EXOC4: variants seen among roughly 807,000 people sequenced by gnomAD.
EXOC4 encodes SEC8-like 1.
EXOC4 carries 71 observed loss-of-function variants against 107.2 expected under a neutral mutation model. The observed-to-expected ratio is 0.66, with a 90% CI of 0.55 to 0.81. The LOEUF (loss-of-function observed/expected upper bound fraction) is 0.81, where lower values mean the gene tolerates loss of function less well. Among genes scored for constraint, EXOC4 ranks in the 30% least tolerant of loss-of-function variants. The pLI is 0.00. For missense variants in EXOC4, 1,108 were observed against 1,189.6 expected, an observed-to-expected ratio of 0.93 and a Z score of 1.01; for synonymous variants, 456 against 441.2, an observed-to-expected ratio of 1.03 and a Z score of -0.42.
At chr7:134,056,962 C>CT (rs1412104817) in intron 17 of EXOC4, among the ~76,000 whole-genome samples, 1 of 152,148 alleles carries the variant, frequency 6.6e-6, no homozygotes, top group African/African-American at 2.4e-5. Flanking sequence ...CTGCTGCTGT[C>CT]TATCAAAAAT....
At chr7:133,326,451 A>T (rs932186253) in intron 5 of EXOC4, among the ~76,000 whole-genome samples, 1 of 152,312 alleles carries the variant, frequency 6.6e-6, no homozygotes. Context: ...CTGCAGGTCT[A>T]TTGGAGTTTG....
At chr7:133,354,351 A>T (rs1158243252) in intron 5 of EXOC4, among the ~76,000 whole-genome samples, 1 of 152,150 alleles carries the variant, frequency 6.6e-6, no homozygotes, top group African/African-American at 2.4e-5. Context: ...GTCAGTGTCT[A>T]TCCTAAGGAT....
intron 11 of EXOC4, among the ~76,000 whole-genome samples, chr7:133,862,602 C>T (rs75743011): frequency 6.6e-6 from 1 of 152,260 alleles, no homozygotes; most frequent in African/African-American, 2.4e-5. Context: ...AAAGGATGGC[C>T]TTTAGTTAAA....
intron 17 of EXOC4, among the ~76,000 whole-genome samples, chr7:134,022,252 G>A (rs1043361448): frequency 2.4e-4 from 36 of 152,166 alleles, no homozygotes; most frequent in Middle Eastern, 3.4e-3. Flanking sequence ...CAGAAGTTTT[G>A]CTTTTTTCAT....
chr7:133,322,602 G>A (rs1795139607), intron 5 of EXOC4, among the ~76,000 whole-genome samples: 1 of 152,164 alleles, frequency 6.6e-6, no homozygotes, highest in Admixed American at 6.5e-5. Flanking sequence ...CCAATACCAT[G>A]CTGTTTTGGT....
chr7:133,283,894 T>C (rs781039622), intron 2 of EXOC4, among the ~76,000 whole-genome samples: 3 of 152,184 alleles, frequency 2.0e-5, no homozygotes, highest in Non-Finnish European at 4.4e-5. Context: ...GTTTTTGAGA[T>C]TCTTCATTGT....
At chr7:133,317,429 T>C (rs747833227) in intron 5 of EXOC4, 39 bp downstream of exon 5, 4 of 1,379,532 alleles carry the variant, frequency 2.9e-6, no homozygotes, top group Non-Finnish European at 4.1e-6. Flanking sequence ...CTTTTTAGTA[T>C]GTCTTAGTTC....
intron 9 of EXOC4, among the ~76,000 whole-genome samples, chr7:133,549,366 T>G (rs888616565): frequency 5.3e-5 from 8 of 152,138 alleles, no homozygotes; most frequent in South Asian, 2.1e-4. Flanking sequence ...GGGTTATTAA[T>G]TGGTATATTT....
chr7:133,381,872 A>C (rs1187069534), intron 7 of EXOC4, among the ~76,000 whole-genome samples: 1 of 152,134 alleles, frequency 6.6e-6, no homozygotes, highest in Non-Finnish European at 1.5e-5. Flanking sequence ...GTGGTTCTCA[A>C]TGTATACCTC....
chr7:133,921,346 T>C (rs1585250021), intron 13 of EXOC4, among the ~76,000 whole-genome samples: 1 of 152,210 alleles, frequency 6.6e-6, no homozygotes, highest in South Asian at 2.1e-4. Context: ...TTACTAAGTC[T>C]ACTGATTAAA....
chr7:133,277,054 C>T (rs769827069), intron 2 of EXOC4, among the ~76,000 whole-genome samples: 15 of 152,016 alleles, frequency 9.9e-5, no homozygotes, highest in East Asian at 1.9e-4. Flanking sequence ...CTCCGCCTCC[C>T]GGGTTCAAGC....
chr7:133,492,668 C>T (rs751968443), intron 9 of EXOC4, among the ~76,000 whole-genome samples: 9 of 151,664 alleles, frequency 5.9e-5, no homozygotes, highest in Admixed American at 1.3e-4. Context: ...TCTAGGCTTT[C>T]GTTGATGTAT....
intron 7 of EXOC4, among the ~76,000 whole-genome samples, chr7:133,440,770 T>G (rs560282293): frequency 8.5e-5 from 13 of 152,326 alleles, no homozygotes; most frequent in Non-Finnish European, 1.6e-4. Flanking sequence ...TAGAGGAAGT[T>G]ACCCTATGTG....
intron 10 of EXOC4, among the ~76,000 whole-genome samples, chr7:133,680,907 A>G (rs558039079): frequency 3.3e-5 from 5 of 152,310 alleles, no homozygotes; most frequent in Non-Finnish European, 7.4e-5. Context: ...TGAGCTTTAT[A>G]TAGCAAAGTA....
chr7:133,428,103 A>G (rs1797769659), intron 7 of EXOC4, among the ~76,000 whole-genome samples: 1 of 152,228 alleles, frequency 6.6e-6, no homozygotes, highest in African/African-American at 2.4e-5. Flanking sequence ...TGCAGCTCTT[A>G]GAATTGCTGG....
In EXOC4 at chr7:133,289,135, C is replaced by T. The variant is rs886740495; in HGVS notation, c.471+19C>T. ...CATGTTGGTAAGAGAACAGCCTGTG[C>T]TAAGGGTCATTTTTGTTAAGATGTA... On this transcript the variant is annotated intron_variant, in intron 3 of 17. Transcript: ENST00000253861. 6.2e-7 allele frequency: 1 copy of T among 1,607,006 alleles called. No individual in the cohort carries two copies. The highest frequency in any genetic ancestry group is 8.5e-7 in the Non-Finnish European group (1 of 1,174,610).
chr7:133,398,728 A>G (rs1797025858), intron 7 of EXOC4, among the ~76,000 whole-genome samples: 1 of 152,128 alleles, frequency 6.6e-6, no homozygotes, highest in African/African-American at 2.4e-5. Flanking sequence ...TCTCAACTGA[A>G]TTTCTAGGGA....
At chr7:133,525,131 G>T (rs150263998) in intron 9 of EXOC4, among the ~76,000 whole-genome samples, 1 of 152,116 alleles carries the variant, frequency 6.6e-6, no homozygotes. Context: ...GCTTCATAGT[G>T]TCCCTTCTGG....
intron 7 of EXOC4, among the ~76,000 whole-genome samples, chr7:133,464,785 GT>G (rs1187992378): frequency 7.4e-5 from 4 of 54,296 alleles, no homozygotes; most frequent in Admixed American, 1.9e-4. Context: ...AGTAGCTGAA[GT>G]TTTTTTTTTT....
Sources: allele counts gnomAD v4.1 joint callset (sites outside exome capture counted in the v4.1 genomes callset), GRCh38; gene constraint gnomAD v4.1.1; transcripts MANE v1.5; gene names NCBI Gene and HGNC (gene_info 2026-07-23, HGNC 2026-07-21).